The following NCAM2 variants were observed in gnomAD, a reference collection of about 807,000 sequenced individuals.
NCAM2 encodes the protein N-CAM-2.
Under a neutral mutation model 98.1 loss-of-function variants are expected in NCAM2, and 30 were observed. The ratio of observed to expected loss-of-function variants is 0.31; its 90% CI spans 0.23 to 0.41. The LOEUF (loss-of-function observed/expected upper bound fraction) is 0.41. NCAM2 is among the 10% of genes least tolerant of loss of function. The probability of loss-of-function intolerance (pLI) is 1.00; values close to 1 mark genes in which losing one functional copy is unlikely to be tolerated. For missense variants in NCAM2, 867 were observed against 1,005.8 expected, an observed-to-expected ratio of 0.86 and a Z score of 1.87; for synonymous variants, 368 against 342.4, an observed-to-expected ratio of 1.07 and a Z score of -0.83.
intron 1 of NCAM2, among the ~76,000 whole-genome samples, chr21:21,108,789 TCC>T: frequency 6.6e-6 from 1 of 152,212 alleles, no homozygotes; most frequent in Non-Finnish European, 1.5e-5. Context: ...GGAAAAACTA[TCC>T]AGCACACAAA....
At chr21:21,026,502 G>T (rs2064548155) in intron 1 of NCAM2, among the ~76,000 whole-genome samples, 1 of 152,024 alleles carries the variant, frequency 6.6e-6, no homozygotes, top group African/African-American at 2.4e-5. Flanking sequence ...GCAGGCTTCT[G>T]TCATCCCAGC....
intron 1 of NCAM2, among the ~76,000 whole-genome samples, chr21:21,180,569 A>T (rs1298353729): frequency 6.6e-6 from 1 of 152,184 alleles, no homozygotes; most frequent in Non-Finnish European, 1.5e-5. Context: ...AAAAATGTTA[A>T]TTGCTGTGTT....
intron 1 of NCAM2, among the ~76,000 whole-genome samples, chr21:21,251,168 A>C (rs2071456516): frequency 6.6e-6 from 1 of 151,946 alleles, no homozygotes; most frequent in Non-Finnish European, 1.5e-5. Context: ...ATTTTATTTT[A>C]TTATACTTTA....
At chr21:21,519,409 G>A (rs529906679) in intron 16 of NCAM2, among the ~76,000 whole-genome samples, 1 of 152,154 alleles carries the variant, frequency 6.6e-6, no homozygotes, top group Non-Finnish European at 1.5e-5. Flanking sequence ...ATAAGAGTGA[G>A]TATATTTCAG....
chr21:21,495,895 T>C (rs1987194237), intron 15 of NCAM2, among the ~76,000 whole-genome samples: 2 of 151,640 alleles, frequency 1.3e-5, no homozygotes, highest in South Asian at 4.1e-4. Flanking sequence ...TCACATTATT[T>C]TTTTTGCCAA....
Position 21,344,719 on chromosome 21 carries a change from A to G in NCAM2, c.1044+6185A>G, listed in dbSNP as rs189056480. On this transcript the variant is annotated intron_variant, in intron 8 of 17. Transcript: ENST00000400546. ...AGGGGGACCTTGCTTCCCTGAAGGG[A>G]AGGATGCAGGCCTGACTGGCTTTGC... 7.6e-4 allele frequency among the ~76,000 whole-genome samples: 116 copies of G among 152,204 alleles called. 2 individuals are homozygous for G. The highest frequency in any genetic ancestry group is 1.3e-3 in the Non-Finnish European group (86 of 67,994).
chr21:21,396,971 G>T (rs974774340), intron 9 of NCAM2, among the ~76,000 whole-genome samples: 10 of 152,190 alleles, frequency 6.6e-5, no homozygotes, highest in Admixed American at 6.5e-5. Context: ...CCATTCTGCA[G>T]ATCCTGAGTT....
At chr21:21,452,047 T>C (rs1981161124) in intron 12 of NCAM2, among the ~76,000 whole-genome samples, 1 of 152,026 alleles carries the variant, frequency 6.6e-6, no homozygotes. Flanking sequence ...AGATTCTGAA[T>C]AGCTTTAAAG....
chr21:21,125,336 T>G (rs2066766254), intron 1 of NCAM2, among the ~76,000 whole-genome samples: 1 of 18,236 alleles, frequency 5.5e-5, no homozygotes, highest in Non-Finnish European at 1.6e-4. Context: ...AGTTTTGAAA[T>G]TTCAGGGTGG....
At chr21:21,075,350 G>T (rs1335960721) in intron 1 of NCAM2, among the ~76,000 whole-genome samples, 1 of 152,086 alleles carries the variant, frequency 6.6e-6, no homozygotes. Context: ...TTTAAAAAAG[G>T]AAAAACAAAG....
Position 21,174,763 on chromosome 21 carries a change from A to G in NCAM2, c.56-105815A>G, listed in dbSNP as rs1601567747. 2.6e-5 allele frequency among the ~76,000 whole-genome samples: 4 copies of G among 152,218 alleles called. No individual in the cohort carries two copies. In the South Asian group the frequency reaches 8.3e-4, roughly 32 times the overall value. ...AAAAAAATAAATAAATACCAATAAT[A>G]CAATTACAAATAAAGAAAATTGTTA... On this transcript the variant is annotated intron_variant, in intron 1 of 17. Transcript: ENST00000400546.
At chr21:21,293,908 G>A (rs1486048066) in intron 5 of NCAM2, among the ~76,000 whole-genome samples, 1 of 151,314 alleles carries the variant, frequency 6.6e-6, no homozygotes, top group African/African-American at 2.4e-5. Flanking sequence ...TTTAAAATTG[G>A]TTAAGTTTAT....
At chr21:21,125,366 T>C (rs2066768120) in intron 1 of NCAM2, among the ~76,000 whole-genome samples, 1 of 146,374 alleles carries the variant, frequency 6.8e-6, no homozygotes, top group African/African-American at 2.5e-5. Context: ...ATTTTACATA[T>C]ATATGTAATA....
At chr21:21,083,897 A>G (rs564838212) in intron 1 of NCAM2, among the ~76,000 whole-genome samples, 25 of 152,176 alleles carry the variant, frequency 1.6e-4, no homozygotes, top group Non-Finnish European at 3.1e-4. Context: ...TCTTATTTAA[A>G]TTTACCCCAA....
chr21:21,385,390 A>ACACACACACG (rs2076247049), intron 9 of NCAM2, among the ~76,000 whole-genome samples: 1 of 145,796 alleles, frequency 6.9e-6, no homozygotes, highest in Non-Finnish European at 1.5e-5. Context: ...ACACACACAC[A>ACACACACACG]CACACACACG....
chr21:21,339,063 A>G (rs2074955209), intron 8 of NCAM2, among the ~76,000 whole-genome samples: 1 of 152,204 alleles, frequency 6.6e-6, no homozygotes, highest in African/African-American at 2.4e-5. Context: ...ATTTACTTCA[A>G]ATTAATTTAA....
intron 5 of NCAM2, among the ~76,000 whole-genome samples, chr21:21,303,446 C>T (rs2073785886): frequency 6.6e-6 from 1 of 151,916 alleles, no homozygotes; most frequent in Admixed American, 6.6e-5. Context: ...TATCCCATGC[C>T]ATAATATGTC....
chr21:21,167,327 T>A (rs926215309), intron 1 of NCAM2, among the ~76,000 whole-genome samples: 2 of 152,124 alleles, frequency 1.3e-5, no homozygotes, highest in African/African-American at 2.4e-5. Context: ...ATCCAATATA[T>A]CTGTTTACTT....
At chr21:21,051,056 A>G (rs2065098597) in intron 1 of NCAM2, among the ~76,000 whole-genome samples, 1 of 152,212 alleles carries the variant, frequency 6.6e-6, no homozygotes, top group Non-Finnish European at 1.5e-5. Context: ...TAACCCTTCA[A>G]TAAAAGAAGT....
Sources: gnomAD v4.1 joint callset for allele counts (sites outside exome capture counted in the v4.1 genomes callset) on GRCh38, gnomAD v4.1.1 for gene constraint, MANE v1.5 for transcripts, NCBI Gene and HGNC (gene_info 2026-07-23, HGNC 2026-07-21) for gene names.